The following ZBBX variants were observed in gnomAD, a reference collection of about 807,000 sequenced individuals.
The protein encoded by ZBBX is zinc finger B-box domain-containing protein 1.
ZBBX carries 101 observed loss-of-function variants against 108.5 expected under a neutral mutation model. The observed-to-expected ratio is 0.93, with a 90% CI of 0.79 to 1.10. The LOEUF is 1.10. Among genes scored for constraint, ZBBX ranks in the 50% least tolerant of loss-of-function variants. ZBBX has a pLI of 0.00. For missense variants in ZBBX, 1,009 were observed against 941.4 expected (o/e 1.07, Z -0.94); for synonymous variants, 356 against 323.4 (o/e 1.10, Z -1.08).
At chr3:167,219,012 CA>C in the ZBBX span, among the ~76,000 whole-genome samples, 1 of 151,362 alleles carries the variant, frequency 6.6e-6, no homozygotes, top group Non-Finnish European at 1.5e-5. Context: ...GATTTCAAAA[CA>C]AAAACTGTAA....
chr3:167,351,099 T>C (rs544105780), intron 8 of ZBBX, among the ~76,000 whole-genome samples: 3 of 151,704 alleles, frequency 2.0e-5, no homozygotes, highest in African/African-American at 7.2e-5. Context: ...AAAAAAAAAG[T>C]ATAAGAAAAA....
intron 17 of ZBBX, among the ~76,000 whole-genome samples, chr3:167,302,653 C>T (rs1282062712): frequency 1.3e-5 from 2 of 152,154 alleles, no homozygotes; most frequent in African/African-American, 2.4e-5. Flanking sequence ...TTTTATCCTA[C>T]GTGCAAGCCT....
intron 9 of ZBBX, among the ~76,000 whole-genome samples, chr3:167,342,904 T>A (rs1740795279): frequency 6.6e-6 from 1 of 151,738 alleles, no homozygotes; most frequent in Non-Finnish European, 1.5e-5. Context: ...CATGTCCAAA[T>A]CCATCAAATT....
chr3:167,266,835 A>G (rs1390779251), intron 20 of ZBBX, among the ~76,000 whole-genome samples: 8 of 152,112 alleles, frequency 5.3e-5, no homozygotes, highest in African/African-American at 1.7e-4. Context: ...TGGGGAGCCC[A>G]TTCTTCTCTG....
At chr3:167,341,880 G>T (rs2108447674) in intron 9 of ZBBX, among the ~76,000 whole-genome samples, 1 of 151,806 alleles carries the variant, frequency 6.6e-6, no homozygotes, top group Non-Finnish European at 1.5e-5. Context: ...TGTCATATTT[G>T]GTTTTTAAAT....
At chr3:167,228,008 T>A in the ZBBX span, among the ~76,000 whole-genome samples, 1 of 151,728 alleles carries the variant, frequency 6.6e-6, no homozygotes, top group East Asian at 1.9e-4. Context: ...CAAGGGAATA[T>A]ATCTTAGGTC....
chr3:167,200,471 C>A, the ZBBX span, among the ~76,000 whole-genome samples: 1 of 151,990 alleles, frequency 6.6e-6, no homozygotes, highest in Non-Finnish European at 1.5e-5. Context: ...GAAACTGGAG[C>A]CTGAAATTAA....
intron 17 of ZBBX, among the ~76,000 whole-genome samples, chr3:167,305,210 T>G (rs1362248385): frequency 6.6e-6 from 1 of 152,146 alleles, no homozygotes; most frequent in African/African-American, 2.4e-5. Context: ...AGAATTACCT[T>G]CTTCATCTTA....
chr3:167,198,141 T>A, the ZBBX span, among the ~76,000 whole-genome samples: 1 of 152,156 alleles, frequency 6.6e-6, no homozygotes, highest in Non-Finnish European at 1.5e-5. Context: ...CCAAAATAGA[T>A]GAAACCATAA....
chr3:167,293,470 A>T (rs1222340371), intron 18 of ZBBX, among the ~76,000 whole-genome samples: 1 of 152,214 alleles, frequency 6.6e-6, no homozygotes, highest in Non-Finnish European at 1.5e-5. Context: ...CAGATGCAGA[A>T]AAGGCCTTCA....
chr3:167,388,380 A>T (rs1747984924), intron 1 of ZBBX, among the ~76,000 whole-genome samples: 1 of 151,968 alleles, frequency 6.6e-6, no homozygotes, highest in Non-Finnish European at 1.5e-5. Flanking sequence ...ATAGGGAGTT[A>T]CGAACAGGCT....
At chr3:167,309,211 G>T (rs1301540340) in intron 16 of ZBBX, among the ~76,000 whole-genome samples, 1 of 152,192 alleles carries the variant, frequency 6.6e-6, no homozygotes, top group Non-Finnish European at 1.5e-5. Flanking sequence ...CACTGCCTTT[G>T]CCACTGCTGT....
Position 167,252,927 on chromosome 3 carries a change from C to T in ZBBX, c.2255-10284G>A, listed in dbSNP as rs1333061519. 4.6e-5 allele frequency among the ~76,000 whole-genome samples: 7 copies of T among 152,088 alleles called. No individual in the cohort carries two copies. In the East Asian group the frequency reaches 1.3e-3, roughly 29 times the overall value. The stretch of plus-strand genomic sequence containing the variant: ...ACAAAGCTCTTTTTAAAATTAAAAA[C>T]TGTATGTTTGTCCTTTTAGATCCAG... On this transcript the variant is annotated intron_variant, in intron 20 of 21. Coordinates refer to ENST00000675490, the MANE Select transcript of ZBBX (RefSeq NM_001199201.2).
chr3:167,406,344 G>A (rs1041761476), intron 1 of ZBBX, among the ~76,000 whole-genome samples: 7 of 152,184 alleles, frequency 4.6e-5, no homozygotes, highest in Admixed American at 2.6e-4. Context: ...TTATATAATT[G>A]GAGACACTCC....
chr3:167,375,390 G>T (rs758416842), intron 2 of ZBBX, among the ~76,000 whole-genome samples: 1 of 152,000 alleles, frequency 6.6e-6, no homozygotes, highest in Non-Finnish European at 1.5e-5. Flanking sequence ...TCAGGAGTTC[G>T]AGACCAGCCT....
intron 20 of ZBBX, among the ~76,000 whole-genome samples, chr3:167,272,963 T>C (rs1331238485): frequency 6.6e-6 from 1 of 152,208 alleles, no homozygotes; most frequent in Admixed American, 6.5e-5. Flanking sequence ...CCCATATACA[T>C]TTCTATTCTC....
At chr3:167,392,059 C>T (rs79432637) in intron 1 of ZBBX, among the ~76,000 whole-genome samples, 3,099 of 151,768 alleles carry the variant, frequency 0.02, 109 homozygotes, top group African/African-American at 0.071. Context: ...AATACCCTCA[C>T]CCACCTGAAG....
intron 2 of ZBBX, among the ~76,000 whole-genome samples, chr3:167,374,767 C>T (rs958513040): frequency 6.6e-6 from 1 of 151,900 alleles, no homozygotes; most frequent in Non-Finnish European, 1.5e-5. Flanking sequence ...AAAATTTATA[C>T]ATGTGATAAT....
At chr3:167,262,482 C>G (rs1283444860) in intron 20 of ZBBX, among the ~76,000 whole-genome samples, 1 of 152,166 alleles carries the variant, frequency 6.6e-6, no homozygotes, top group Non-Finnish European at 1.5e-5. Context: ...ATCAGTGAAA[C>G]CATCAGGTTC....
Sources: allele counts gnomAD v4.1 joint callset (sites outside exome capture counted in the v4.1 genomes callset), GRCh38; gene constraint gnomAD v4.1.1; transcripts MANE v1.5; gene names NCBI Gene and HGNC (gene_info 2026-07-23, HGNC 2026-07-21).